Variants in RP1 observed in about 807,000 individuals in gnomAD.
RP1 encodes RP1 axonemal microtubule associated, also known as oxygen-regulated protein 1.
RP1 carries 16 observed loss-of-function variants against 14.8 expected under a neutral mutation model. The ratio of observed to expected loss-of-function variants is 1.08; its 90% confidence interval spans 0.73 to 1.65. RP1 has a LOEUF of 1.65. RP1 is among the 40% of genes most tolerant of loss of function. The pLI, the probability that RP1 is intolerant of heterozygous loss-of-function variation, is 0.00. For missense variants in RP1, 2,631 were observed against 2,535.0 expected, an observed-to-expected ratio of 1.04 and a Z score of -0.81; for synonymous variants, 876 against 883.6, an observed-to-expected ratio of 0.99 and a Z score of 0.15.
chr8:54,797,993 T>C (rs999063674), intron 24 of RP1, among the ~76,000 whole-genome samples: 6 of 151,142 alleles, frequency 4.0e-5, no homozygotes, highest in African/African-American at 7.3e-5. Flanking sequence ...CAGGAGCTCC[T>C]CCTGGATGGT....
chr8:54,844,987 C>T (rs980676220), intron 25 of RP1, among the ~76,000 whole-genome samples: 2 of 152,130 alleles, frequency 1.3e-5, no homozygotes, highest in African/African-American at 2.4e-5. Context: ...CCCACCTCAC[C>T]CCTCTTCAGT....
chr8:54,573,067 T>C (rs1214377817), intron 1 of RP1, among the ~76,000 whole-genome samples: 1 of 152,212 alleles, frequency 6.6e-6, no homozygotes. Context: ...TCTCCTGCTA[T>C]TGTATTGCTC....
chr8:54,847,578 G>A (rs1187497411), intron 25 of RP1, among the ~76,000 whole-genome samples: 2 of 152,222 alleles, frequency 1.3e-5, no homozygotes, highest in Non-Finnish European at 2.9e-5. Context: ...TCTCTGAGAC[G>A]AGGCCATCCA....
rs1000583424 is a variant in RP1, at chr8:54,625,757, T to C, written c.1875T>C (p.Asn625=). The part of the protein sequence containing the change: ...FSSNNSGTDK[N]ISEAPASEAS... ...GTAATAACTCTGGAACTGACAAAAA[T>C]ATTTCTGAGGCTCCAGCTTCAGAAG... Residue 625 remains asparagine (N), a synonymous_variant, in exon 4 of 4, where the codon AAT becomes AAC. Transcript: ENST00000220676. 1.5e-5 allele frequency: 24 copies of C among 1,613,636 alleles called. No homozygotes were observed. Among genetic ancestry groups the C allele is most frequent in the Middle Eastern group, 1.6e-4 (1 of 6,082 alleles).
chr8:54,777,071 T>G (rs531613305), intron 23 of RP1, among the ~76,000 whole-genome samples: 54 of 152,354 alleles, frequency 3.5e-4, no homozygotes, highest in Middle Eastern at 3.4e-3. Context: ...TATTTCTTTG[T>G]GCCTCGGTTT....
chr8:54,684,247 A>G (rs760621023), intron 12 of RP1, among the ~76,000 whole-genome samples: 1 of 152,030 alleles, frequency 6.6e-6, no homozygotes, highest in Non-Finnish European at 1.5e-5. Context: ...ATCTATGTTA[A>G]TCAGGGATAT....
chr8:54,625,445 T>C lies in RP1; in HGVS notation c.1563T>C (p.Asn521=). 6.2e-7 allele frequency: 1 copy of C among 1,613,932 alleles called. No individual in the cohort carries two copies. The highest frequency in any genetic ancestry group is 1.1e-5 in the South Asian group (1 of 91,068). The stretch of plus-strand genomic sequence containing the variant: ...ACAAACCAGTACTTGTTCAGATCAA[T>C]AACAATGATCAAATGGAGGAGTCAT... ...VSNKPVLVQI[N]NNDQMEESSL... Residue 521 remains asparagine (N), a synonymous_variant, in exon 4 of 4, where the codon AAT becomes AAC. Transcript: ENST00000220676.
At chr8:54,850,857 A>G (rs975950433) in intron 25 of RP1, among the ~76,000 whole-genome samples, 1 of 152,210 alleles carries the variant, frequency 6.6e-6, no homozygotes, top group Non-Finnish European at 1.5e-5. Context: ...AATGTTACAG[A>G]TTCCAGCAAA....
At chr8:54,585,692 A>G (rs577166733) in intron 1 of RP1, among the ~76,000 whole-genome samples, 136 of 152,090 alleles carry the variant, frequency 8.9e-4, no homozygotes, top group African/African-American at 2.7e-3. Context: ...GGCTTTGTTT[A>G]TTTCTTTTTA....
At chr8:54,714,375 C>A (rs1335107390) in intron 15 of RP1, among the ~76,000 whole-genome samples, 1 of 152,190 alleles carries the variant, frequency 6.6e-6, no homozygotes, top group Non-Finnish European at 1.5e-5. Flanking sequence ...AGACTCCAGA[C>A]CTTTCCAATT....
chr8:54,644,026 C>G (rs1288067562), intron 3 of RP1, among the ~76,000 whole-genome samples: 4 of 152,160 alleles, frequency 2.6e-5, no homozygotes, highest in African/African-American at 9.7e-5. Context: ...TCCCAAATCT[C>G]ATTTTATATA....
At chr8:54,673,911 A>C (rs1197285047) in exon 8 of RP1, 2 of 1,535,922 alleles carry the variant, frequency 1.3e-6, no homozygotes, top group East Asian at 4.9e-5. Flanking sequence ...GTGATAGGCC[A>C]TGATGGACTT....
intron 1 of RP1, among the ~76,000 whole-genome samples, chr8:54,608,473 C>T (rs190956474): frequency 1.6e-4 from 25 of 151,840 alleles, no homozygotes; most frequent in Non-Finnish European, 2.1e-4. Flanking sequence ...ATGACTTGGC[C>T]GAAAGAATAG....
At chr8:54,561,265 C>T (rs187471491) in intron 1 of RP1, among the ~76,000 whole-genome samples, 1 of 152,278 alleles carries the variant, frequency 6.6e-6, no homozygotes, top group Admixed American at 6.5e-5. Context: ...ATAATACTTC[C>T]ACAAAAATAT....
intron 1 of RP1, among the ~76,000 whole-genome samples, chr8:54,588,253 C>T (rs1033511125): frequency 1.3e-5 from 2 of 152,102 alleles, no homozygotes; most frequent in African/African-American, 4.8e-5. Flanking sequence ...GTGGGCAATG[C>T]TTACAGGATA....
chr8:54,738,077 A>G (rs1001221204), intron 18 of RP1, among the ~76,000 whole-genome samples: 6 of 152,164 alleles, frequency 3.9e-5, no homozygotes, highest in Non-Finnish European at 8.8e-5. Flanking sequence ...GCTAGTCTGT[A>G]TATTTCTCCA....
chr8:54,719,206 T>C (rs1407349084), intron 15 of RP1, among the ~76,000 whole-genome samples: 2 of 152,262 alleles, frequency 1.3e-5, no homozygotes, highest in South Asian at 2.1e-4. Flanking sequence ...TTCCTATCCC[T>C]ACCCCCAGCT....
intron 1 of RP1, among the ~76,000 whole-genome samples, chr8:54,609,138 G>A (rs192981943): frequency 6.6e-6 from 1 of 152,302 alleles, no homozygotes; most frequent in Non-Finnish European, 1.5e-5. Context: ...GCAGATCAAT[G>A]CTGGGTAGCA....
In RP1 at chr8:54,625,019, T is replaced by C. The variant is rs1373925871; in HGVS notation, c.1137T>C (p.Gly379=). 6.2e-7 allele frequency: 1 copy of C among 1,614,164 alleles called. No homozygotes were observed. The highest frequency in any genetic ancestry group is 2.2e-5 in the East Asian group (1 of 44,884). ...FPGRTESRSS[G]LKLAACSFSA... Reference sequence around the variant, plus strand: ...GAAGAACAGAAAGTCGATCATCTGGTTTAAAGCTTGCAGCATGTTCATTCT... The same window carrying C: ...GAAGAACAGAAAGTCGATCATCTGGCTTAAAGCTTGCAGCATGTTCATTCT... Residue 379 remains glycine (G), a synonymous_variant, in exon 4 of 4, where the codon GGT becomes GGC. Coordinates refer to ENST00000220676, the MANE Select transcript of RP1 (RefSeq NM_006269.2).
Sources: gnomAD v4.1 joint callset for allele counts (sites outside exome capture counted in the v4.1 genomes callset) on GRCh38, gnomAD v4.1.1 for gene constraint, MANE v1.5 for transcripts, NCBI Gene and HGNC (gene_info 2026-07-23, HGNC 2026-07-21) for gene names.